GNAT3: variants seen among roughly 807,000 people sequenced by gnomAD.
GNAT3 encodes the protein guanine nucleotide-binding protein G(t) subunit alpha-3.
In GNAT3, 31 loss-of-function variants were observed where a neutral mutation model predicts 37.7. That is an observed-to-expected ratio of 0.82 (90% CI 0.62 to 1.11). The LOEUF (loss-of-function observed/expected upper bound fraction) is 1.11. GNAT3 is among the 50% of genes most tolerant of loss of function. GNAT3 has a pLI of 0.00. For missense variants in GNAT3, 437 were observed against 412.5 expected (o/e 1.06, Z -0.51); for synonymous variants, 138 against 139.8 (o/e 0.99, Z 0.09).
At chr7:80,501,599 A>G (rs1358342595) in intron 1 of GNAT3, among the ~76,000 whole-genome samples, 2 of 151,888 alleles carry the variant, frequency 1.3e-5, no homozygotes, top group African/African-American at 4.8e-5. Context: ...ATCAAGTTTC[A>G]CACTTTCTTT....
chr7:80,494,791 C>T (rs1376733063), intron 1 of GNAT3, 144 bp from the exon 2 acceptor site: 1 of 598,744 alleles, frequency 1.7e-6, no homozygotes, highest in Non-Finnish European at 3.0e-6. Context: ...GGATAAACTG[C>T]ATAGTGGTGA....
At chr7:80,497,362 C>T (rs1279101630) in intron 1 of GNAT3, among the ~76,000 whole-genome samples, 1 of 151,906 alleles carries the variant, frequency 6.6e-6, no homozygotes, top group African/African-American at 2.4e-5. Context: ...TTAAATAACT[C>T]ACTATTTTGC....
intron 5 of GNAT3, among the ~76,000 whole-genome samples, chr7:80,471,989 T>G (rs868135883): frequency 6.6e-6 from 1 of 152,030 alleles, no homozygotes; most frequent in Non-Finnish European, 1.5e-5. Context: ...TCTTACTCTA[T>G]GCTAGCCACT....
At chr7:80,469,183 T>C (rs1446969812) in intron 5 of GNAT3, among the ~76,000 whole-genome samples, 1 of 152,164 alleles carries the variant, frequency 6.6e-6, no homozygotes, top group Admixed American at 6.6e-5. Context: ...TAGTTTCTTT[T>C]ATATCATAGA....
chr7:80,476,904 G>A (rs928982560), intron 4 of GNAT3, among the ~76,000 whole-genome samples: 5 of 151,798 alleles, frequency 3.3e-5, no homozygotes, highest in African/African-American at 4.8e-5. Flanking sequence ...GTTTATGTAT[G>A]AAATTTCTCT....
intron 1 of GNAT3, among the ~76,000 whole-genome samples, chr7:80,498,041 T>C (rs574376354): frequency 2.0e-5 from 3 of 152,112 alleles, no homozygotes; most frequent in Non-Finnish European, 2.9e-5. Flanking sequence ...TTTAGGCAGA[T>C]TAAAAAATCA....
chr7:80,489,442 A>C (rs59419187), intron 2 of GNAT3, among the ~76,000 whole-genome samples: 20,574 of 152,048 alleles, frequency 0.14, 1,810 homozygotes, highest in African/African-American at 0.25. Flanking sequence ...ATTGTCTTGA[A>C]GTCCTTTGTA....
chr7:80,503,058 T>A (rs79570851), intron 1 of GNAT3, among the ~76,000 whole-genome samples: 1,802 of 152,112 alleles, frequency 0.012, 34 homozygotes, highest in African/African-American at 0.041. Flanking sequence ...TTATTTTTTT[T>A]AAAAAAAGCC....
At chr7:80,472,413 G>T (rs1790236162) in intron 5 of GNAT3, among the ~76,000 whole-genome samples, 1 of 152,138 alleles carries the variant, frequency 6.6e-6, no homozygotes, top group Non-Finnish European at 1.5e-5. Flanking sequence ...AGCATGGATG[G>T]TACATAGATA....
chr7:80,475,050 C>T (rs1183889218), intron 4 of GNAT3, among the ~76,000 whole-genome samples: 1 of 152,046 alleles, frequency 6.6e-6, no homozygotes, highest in African/African-American at 2.4e-5. Context: ...GGAAGTGACT[C>T]ATGAATTTGC....
intron 1 of GNAT3, among the ~76,000 whole-genome samples, chr7:80,504,361 C>T (rs998478286): frequency 6.6e-6 from 1 of 151,942 alleles, no homozygotes; most frequent in African/African-American, 2.4e-5. Context: ...GTGAATTGGC[C>T]ATTATCTGCA....
At chr7:80,498,308 T>C (rs1049542223) in intron 1 of GNAT3, among the ~76,000 whole-genome samples, 5 of 152,108 alleles carry the variant, frequency 3.3e-5, no homozygotes, top group Admixed American at 2.0e-4. Flanking sequence ...GTGTTTAAGG[T>C]AAGCAGAATA....
intron 2 of GNAT3, among the ~76,000 whole-genome samples, chr7:80,493,662 CTCCTCCTCTT>C (rs1790644209): frequency 7.1e-6 from 1 of 140,394 alleles, no homozygotes; most frequent in Admixed American, 6.9e-5. Context: ...CTCTTTCCTC[CTCCTCCTCTT>C]TCCTCCTCCT....
rs1790852470 is a variant in GNAT3 at position 80,502,522 on chromosome 7, A to G, written c.119-7875T>C. Among the ~76,000 whole-genome samples the G allele has an allele frequency of 2.0e-5, 3 of 152,196 alleles. No homozygotes were observed. In the South Asian group the frequency reaches 6.2e-4, roughly 32 times the overall value. Reference sequence around the variant, plus strand: ...TTTTTTAGTATAAATACATATTGCAACAACGATTTTTAAAAAGGCCTTGGT... The same window carrying G: ...TTTTTTAGTATAAATACATATTGCAGCAACGATTTTTAAAAAGGCCTTGGT... On this transcript the variant is annotated intron_variant, in intron 1 of 7. Coordinates refer to ENST00000398291, the MANE Select transcript of GNAT3 (RefSeq NM_001102386.3).
chr7:80,463,197 TA>T (rs2116140006), intron 5 of GNAT3, among the ~76,000 whole-genome samples: 1 of 152,232 alleles, frequency 6.6e-6, no homozygotes, highest in African/African-American at 2.4e-5. Context: ...TAATATTATG[TA>T]AAAAATATTC....
intron 5 of GNAT3, among the ~76,000 whole-genome samples, chr7:80,472,539 A>C (rs1790237968): frequency 6.6e-6 from 1 of 152,206 alleles, no homozygotes; most frequent in South Asian, 2.1e-4. Flanking sequence ...TAGCAAGTAC[A>C]AAGGCTTGAA....
At chr7:80,481,351 C>T (rs1283756919) in intron 3 of GNAT3, among the ~76,000 whole-genome samples, 1 of 152,058 alleles carries the variant, frequency 6.6e-6, no homozygotes, top group Non-Finnish European at 1.5e-5. Context: ...ACCTGAAAAA[C>T]TAGGTCAGGC....
Position 80,462,499 on chromosome 7 carries a change from T to TA in GNAT3, c.720+2dup, listed in dbSNP as rs1562718811. The TA allele has an allele frequency of 6.2e-7, 1 of 1,612,906 alleles. No homozygotes were observed. The highest frequency in any genetic ancestry group is 1.7e-4 in the Middle Eastern group (1 of 6,054). ...CCTGGCTTTGTTTTTCCTTTAGACTTACCACTTCTTCGTCTTCCACGAGGA... is the reference window on the plus strand; with the variant it reads ...CCTGGCTTTGTTTTTCCTTTAGACTTAACCACTTCTTCGTCTTCCACGAGGA... On this transcript the variant is annotated splice_region_variant and intron_variant, in intron 6 of 7. Coordinates refer to ENST00000398291, the MANE Select transcript of GNAT3 (RefSeq NM_001102386.3).
chr7:80,482,951 C>A (rs74546234), intron 3 of GNAT3, among the ~76,000 whole-genome samples: 4,948 of 152,104 alleles, frequency 0.033, 270 homozygotes, highest in African/African-American at 0.11. Flanking sequence ...CACTTCAATC[C>A]TACTACCTCC....
Sources: gnomAD v4.1 joint callset for allele counts (sites outside exome capture counted in the v4.1 genomes callset) on GRCh38, gnomAD v4.1.1 for gene constraint, MANE v1.5 for transcripts, NCBI Gene and HGNC (gene_info 2026-07-23, HGNC 2026-07-21) for gene names.